Variants in CHRD observed in about 807,000 individuals in gnomAD.
The protein encoded by CHRD is chordin.
Under a neutral mutation model 113.7 loss-of-function variants are expected in CHRD, and 69 were observed. The observed-to-expected ratio is 0.61, with a 90% CI of 0.50 to 0.74. CHRD has a LOEUF of 0.74. CHRD is among the 30% of genes least tolerant of loss of function. CHRD has a pLI of 0.00. For missense variants in CHRD, 1,194 were observed against 1,295.8 expected (o/e 0.92, Z 1.21); for synonymous variants, 561 against 540.8 (o/e 1.04, Z -0.52).
rs1194207739 is a variant in CHRD, at chr3:184,380,557, C to T, written c.148+91C>T. 8.8e-6 allele frequency: 9 copies of T among 1,023,788 alleles called. No individual in the cohort carries two copies. The highest frequency in any genetic ancestry group is 4.7e-5 in the East Asian group (1 of 21,422). The allele number at this position is 1,023,788 out of a possible 1,614,324, so 63.4% of individuals were successfully genotyped here. Reference sequence around the variant, plus strand: ...GAGGGGGCGCGGGGCGCAGGTGGCTCGGCGCGGCGGGCGGCCCGGAGGGTG... The same window carrying T: ...GAGGGGGCGCGGGGCGCAGGTGGCTTGGCGCGGCGGGCGGCCCGGAGGGTG... On this transcript the variant is annotated intron_variant, in intron 1 of 22. Transcript: ENST00000204604. The surrounding 1 kb of genome is among the most constrained non-coding windows in gnomAD (Gnocchi z 6.3).
exon 11 of CHRD, chr3:184,383,377 G>T: frequency 6.2e-7 from 1 of 1,613,978 alleles, no homozygotes; most frequent in African/African-American, 1.3e-5. Context: ...TGCCGGCTCA[G>T]CCAGCCTCAC....
At chr3:184,382,698 G>C in exon 8 of CHRD, 1 of 1,613,934 alleles carries the variant, frequency 6.2e-7, no homozygotes, top group Non-Finnish European at 8.5e-7. Flanking sequence ...GCATCACCCT[G>C]CTCACTCTCA....
rs138569844 is a variant in CHRD, at chr3:184,387,938, C to G, written c.2459C>G (p.Thr820Ser). The G allele has an allele frequency of 4.3e-6, 7 of 1,611,876 alleles. No individual in the cohort carries two copies. The highest frequency in any genetic ancestry group is 5.9e-6 in the Non-Finnish European group (7 of 1,179,446). ...CTCAATGGATCCCTACAGGGGGGCA[C>G]TGGAGAGGTGCACTGTGAGAAGGTG... is the stretch of plus-strand genomic sequence containing the variant. Residue 820 changes from threonine to serine, a missense_variant, in exon 20 of 23, where the codon ACT becomes AGT. Thr to Ser is a moderately conservative substitution (Grantham distance 58). Coordinates refer to ENST00000204604, the Ensembl canonical transcript of CHRD. This position sits in a 1 kb window ranked among gnomAD's most constrained non-coding sequence, Gnocchi z 6.1.
rs780734923 is a variant in CHRD, at chr3:184,385,241, A to G, written c.1818+3A>G. On this transcript the variant is annotated splice_donor_region_variant and intron_variant, in intron 14 of 22. Coordinates refer to ENST00000204604, the Ensembl canonical transcript of CHRD. Reference sequence around the variant, plus strand: ...TGAAGGGATTCTATGGCTCAGAGGTAAGGATGTGATGGTAGGCGGCAGCTT... The same window carrying G: ...TGAAGGGATTCTATGGCTCAGAGGTGAGGATGTGATGGTAGGCGGCAGCTT... The G allele has an allele frequency of 6.2e-7, 1 of 1,609,424 alleles. No homozygotes were observed. The highest frequency in any genetic ancestry group is 8.5e-7 in the Non-Finnish European group (1 of 1,176,316).
rs1451272933 is a variant in CHRD at position 184,387,150 on chromosome 3, G to T, written c.2347+43G>T. 2.7e-5 allele frequency: 43 copies of T among 1,581,144 alleles called. No homozygotes were observed. Among genetic ancestry groups the T allele is most frequent in the Non-Finnish European group, 3.6e-5 (41 of 1,150,156 alleles). Reference sequence around the variant, plus strand: ...GTGCAGGGTGGGAGGCCCCAGAGGAGCCATTAGGTTGAACCAGGAGGGGGA... The same window carrying T: ...GTGCAGGGTGGGAGGCCCCAGAGGATCCATTAGGTTGAACCAGGAGGGGGA... On this transcript the variant is annotated intron_variant, in intron 18 of 22. Transcript: ENST00000204604. The surrounding 1 kb of genome is among the most constrained non-coding windows in gnomAD (Gnocchi z 6.1).
In CHRD at chr3:184,384,959, T is replaced by C; in HGVS notation, c.1598-59T>C. ...GTGCTGGGGAGCTGGGAATGCTGGG[T>C]TTGAGGGCTTGCCCTAGGCCACCTT... is the stretch of plus-strand genomic sequence containing the variant. On this transcript the variant is annotated intron_variant, in intron 13 of 22. Coordinates refer to ENST00000204604, the Ensembl canonical transcript of CHRD. This position sits in a 1 kb window ranked among gnomAD's most constrained non-coding sequence, Gnocchi z 4.4. 2 of 1,547,422 alleles carry C rather than the reference T, an allele frequency of 1.3e-6. No homozygotes were observed. Among genetic ancestry groups the C allele is most frequent in the South Asian group, 1.1e-5 (1 of 88,716 alleles).
chr3:184,382,394 T>C (rs547435926), exon 7 of CHRD: 3 of 1,614,126 alleles, frequency 1.9e-6, no homozygotes, highest in South Asian at 2.2e-5. Context: ...TCCAGGTCTG[T>C]GGGGTGTGGC....
chr3:184,380,960 T>C lies in CHRD; in HGVS notation c.252+165T>C. The C allele has an allele frequency of 1.3e-6, 1 of 740,946 alleles. No individual in the cohort carries two copies. Among genetic ancestry groups the C allele is most frequent in the African/African-American group, 1.7e-5 (1 of 58,060 alleles). 45.9% of individuals were successfully genotyped at this position (740,946 alleles called of 1,614,324 possible). The stretch of plus-strand genomic sequence containing the variant: ...ATCAGCCCCTCCAATTCTTAGGTGC[T>C]GTTACTGATCGCCCACTCTGTGTGA... On this transcript the variant is annotated intron_variant, in intron 2 of 22. Transcript: ENST00000204604. The surrounding 1 kb of genome is among the most constrained non-coding windows in gnomAD (Gnocchi z 6.3).
Position 184,381,053 on chromosome 3 carries a change from GTAT to G in CHRD, c.253-175_253-173del. ...TCATGGCAGCCTTGCTAGATAGAGAGTATTATTATCCCCATTTTCCAGACAGGG... is the reference window on the plus strand; with the variant it reads ...TCATGGCAGCCTTGCTAGATAGAGAGTATTATCCCCATTTTCCAGACAGGG... On this transcript the variant is annotated intron_variant, in intron 2 of 22. Transcript: ENST00000204604. The surrounding 1 kb of genome is among the most constrained non-coding windows in gnomAD (Gnocchi z 4.7). The G allele has an allele frequency of 1.3e-6, 1 of 776,968 alleles. No individual in the cohort carries two copies. The highest frequency in any genetic ancestry group is 1.5e-5 in the South Asian group (1 of 68,766). The allele number at this position is 776,968 out of a possible 1,614,324, so 48.1% of individuals were successfully genotyped here.
In CHRD at chr3:184,383,630, AG is replaced by A; in HGVS notation, c.1430del (p.Gly477GlufsTer27). 6.2e-7 allele frequency: 1 copy of A among 1,611,328 alleles called. No homozygotes were observed. Among genetic ancestry groups the A allele is most frequent in the Non-Finnish European group, 8.5e-7 (1 of 1,178,464 alleles). On this transcript the variant is annotated frameshift_variant, in exon 12 of 23. Coordinates refer to ENST00000204604, the Ensembl canonical transcript of CHRD. LOFTEE classifies it high-confidence loss of function. ...TGTGCCACATGGCTGGACTCCAGCCAGGAGGACACACGGTGAGGGCTCCAGG... is the reference window on the plus strand; with the variant it reads ...TGTGCCACATGGCTGGACTCCAGCCAGAGGACACACGGTGAGGGCTCCAGG...
At chr3:184,382,153 G>A (rs1400195314) in intron 6 of CHRD, 133 bp downstream of exon 6, 31 of 1,322,722 alleles carry the variant, frequency 2.3e-5, no homozygotes. Context: ...CCATTTTACA[G>A]AAGGGGGAAC....
At position 184,381,747 on chromosome 3, in the gene CHRD, G is replaced by A. The variant is rs1324123885; in HGVS notation, c.543G>A (p.Ser181=). The A allele has an allele frequency of 6.2e-7, 1 of 1,613,080 alleles. No homozygotes were observed. The highest frequency in any genetic ancestry group is 8.5e-7 in the Non-Finnish European group (1 of 1,179,948). Reference sequence around the variant, plus strand: ...TGGCGCTGCTGACAGGGCCGAGGTCGCAGGCGGTGGCACGAGCCCGAGTCT... The same window carrying A: ...TGGCGCTGCTGACAGGGCCGAGGTCACAGGCGGTGGCACGAGCCCGAGTCT... Residue 181 remains serine, a synonymous_variant, in exon 5 of 23, where the codon TCG becomes TCA. Transcript: ENST00000204604. The surrounding 1 kb of genome is among the most constrained non-coding windows in gnomAD (Gnocchi z 4.7).
exon 17 of CHRD, chr3:184,386,879 C>T (rs142558131): frequency 6.2e-7 from 1 of 1,614,192 alleles, no homozygotes; most frequent in East Asian, 2.2e-5. Flanking sequence ...GTGGTGTGCC[C>T]ACCGCCCAGC....
At position 184,384,401 on chromosome 3, in the gene CHRD, G is replaced by A; in HGVS notation, c.1441-136G>A. 1 of 1,053,548 alleles carries A rather than the reference G, an allele frequency of 9.5e-7. No individual in the cohort carries two copies. Among genetic ancestry groups the A allele is most frequent in the South Asian group, 3.5e-5 (1 of 28,206 alleles). 65.3% of individuals were successfully genotyped at this position (1,053,548 alleles called of 1,614,324 possible). On this transcript the variant is annotated intron_variant, in intron 12 of 22. Transcript: ENST00000204604. The surrounding 1 kb of genome is among the most constrained non-coding windows in gnomAD (Gnocchi z 4.4). ...GCAGCAGGGGAGGGCCTTGAAACTG[G>A]GCCTGCCAGGTCCTTATCCTGTGTT... is the stretch of plus-strand genomic sequence containing the variant.
In CHRD at chr3:184,388,506, A is replaced by G; in HGVS notation, c.2555-81A>G. 6.8e-7 allele frequency: 1 copy of G among 1,479,486 alleles called. No homozygotes were observed. The highest frequency in any genetic ancestry group is 1.8e-4 in the Middle Eastern group (1 of 5,576). 91.6% of individuals were successfully genotyped at this position (1,479,486 alleles called of 1,614,324 possible). ...CACCTACTAAGTGCCAGAAACTGCA[A>G]CGTGCTGGGTATTCAAAGAGAATAC... On this transcript the variant is annotated intron_variant, in intron 20 of 22. Coordinates refer to ENST00000204604, the Ensembl canonical transcript of CHRD. The surrounding 1 kb of genome is among the most constrained non-coding windows in gnomAD (Gnocchi z 6.1).
At position 184,388,261 on chromosome 3, in the gene CHRD, ATC is replaced by A. The variant is rs1371795683; in HGVS notation, c.2554+229_2554+230del. On this transcript the variant is annotated intron_variant, in intron 20 of 22. Coordinates refer to ENST00000204604, the Ensembl canonical transcript of CHRD. The surrounding 1 kb of genome is among the most constrained non-coding windows in gnomAD (Gnocchi z 6.1). ...CGTCCATCCATCCATCCATCCATCC[ATC>A]CATCCATCCATCCATCCATCCGTCC... Among the ~76,000 whole-genome samples, 6 of 151,080 alleles carry A rather than the reference ATC, an allele frequency of 4.0e-5. No homozygotes were observed. Among genetic ancestry groups the A allele is most frequent in the African/African-American group, 1.5e-4 (6 of 40,884 alleles).
Position 184,386,762 on chromosome 3 carries a change from G to A in CHRD, c.2196+7G>A. The A allele has an allele frequency of 6.2e-7, 1 of 1,613,246 alleles. No homozygotes were observed. The stretch of plus-strand genomic sequence containing the variant: ...CTCACTCTGCACCTGCCAGGTAGGA[G>A]GTCCTGGAAGGGCACACTGGGTCCT... On this transcript the variant is annotated splice_region_variant and intron_variant, in intron 16 of 22. Coordinates refer to ENST00000204604, the Ensembl canonical transcript of CHRD.
chr3:184,386,545 G>A (rs1716316454), exon 16 of CHRD: 3 of 1,537,914 alleles, frequency 2.0e-6, no homozygotes, highest in East Asian at 2.4e-5. Flanking sequence ...AGGCGGCCGG[G>A]GCCGAGGGGG....
Position 184,384,764 on chromosome 3 carries a change from G to A in CHRD, c.1597+71G>A, listed in dbSNP as rs1168322557. The A allele has an allele frequency of 8.7e-6, 13 of 1,488,442 alleles. 1 individual carries two copies. The South Asian group carries it at 1.4e-4, about 16-fold the overall frequency. The allele number at this position is 1,488,442 out of a possible 1,614,324, so 92.2% of individuals were successfully genotyped here. On this transcript the variant is annotated intron_variant, in intron 13 of 22. Transcript: ENST00000204604. The surrounding 1 kb of genome is among the most constrained non-coding windows in gnomAD (Gnocchi z 4.4). Reference sequence around the variant, plus strand: ...TTTGAGGGATGGTGGCAGACAGCCGGAGCCTGGTGTGTCTTTCTTTGTGCC... The same window carrying A: ...TTTGAGGGATGGTGGCAGACAGCCGAAGCCTGGTGTGTCTTTCTTTGTGCC...
Sources: allele counts gnomAD v4.1 joint callset (sites outside exome capture counted in the v4.1 genomes callset), GRCh38; gene constraint gnomAD v4.1.1; non-coding constraint Gnocchi (gnomAD v3.1); transcripts MANE v1.5; gene names NCBI Gene and HGNC (gene_info 2026-07-23, HGNC 2026-07-21).